MINDY2: variants seen among roughly 807,000 people sequenced by gnomAD.
The protein encoded by MINDY2 is MINDY lysine 48 deubiquitinase 2.
MINDY2 carries 52 observed loss-of-function variants against 68.2 expected under a neutral mutation model. That is an observed-to-expected ratio of 0.76 (90% CI 0.61 to 0.96). The LOEUF is 0.96. MINDY2 is among the 40% of genes least tolerant of loss of function. The probability of loss-of-function intolerance (pLI) is 0.00; values close to 1 mark genes in which losing one functional copy is unlikely to be tolerated. For missense variants in MINDY2, 881 were observed against 773.4 expected, an observed-to-expected ratio of 1.14 and a Z score of -1.65; for synonymous variants, 372 against 303.0, an observed-to-expected ratio of 1.23 and a Z score of -2.36.
intron 6 of MINDY2, among the ~76,000 whole-genome samples, chr15:58,836,554 A>G (rs2032002840): frequency 6.6e-6 from 1 of 152,024 alleles, no homozygotes; most frequent in Admixed American, 6.6e-5. Flanking sequence ...CAGCTTTCCA[A>G]TCCTGAGTCT....
chr15:58,815,494 T>C (rs2030621110), intron 4 of MINDY2: 1 of 151,938 alleles, frequency 6.6e-6, no homozygotes, highest in African/African-American at 2.4e-5. Flanking sequence ...GGACTACAGG[T>C]GCACACCAGC....
chr15:58,780,134 G>C (rs1032601037), intron 1 of MINDY2, among the ~76,000 whole-genome samples: 3 of 152,082 alleles, frequency 2.0e-5, no homozygotes, highest in South Asian at 2.1e-4. Context: ...GCCAGGTGTG[G>C]TTGGCTCACA....
chr15:58,851,408 T>C (rs1409645382), intron 7 of MINDY2, among the ~76,000 whole-genome samples: 1 of 152,132 alleles, frequency 6.6e-6, no homozygotes, highest in Non-Finnish European at 1.5e-5. Context: ...TATTTTGTTA[T>C]TTTATATTGT....
intron 6 of MINDY2, among the ~76,000 whole-genome samples, chr15:58,843,858 C>T (rs941516047): frequency 2.0e-4 from 27 of 134,824 alleles, no homozygotes; most frequent in African/African-American, 6.3e-4. Flanking sequence ...AAAAAAAATC[C>T]TGACAATATC....
intron 6 of MINDY2, among the ~76,000 whole-genome samples, chr15:58,833,840 C>T (rs1478884810): frequency 6.6e-6 from 1 of 151,936 alleles, no homozygotes; most frequent in Non-Finnish European, 1.5e-5. Flanking sequence ...AAGAGGCGTT[C>T]CTTCCTCTTT....
intron 5 of MINDY2, 140 bp downstream of exon 5, chr15:58,821,959 C>T: frequency 1.8e-6 from 1 of 565,318 alleles, no homozygotes; most frequent in African/African-American, 2.0e-5. Flanking sequence ...TAAGAAGTAA[C>T]CATCCATAGG....
intron 3 of MINDY2, among the ~76,000 whole-genome samples, chr15:58,808,911 C>T (rs927477065): frequency 1.3e-5 from 2 of 152,162 alleles, no homozygotes; most frequent in Non-Finnish European, 2.9e-5. Context: ...GCCACTTTTT[C>T]ATCTTTAAAA....
chr15:58,801,167 T>C (rs893117402), intron 2 of MINDY2, among the ~76,000 whole-genome samples: 4 of 151,852 alleles, frequency 2.6e-5, no homozygotes, highest in African/African-American at 9.7e-5. Flanking sequence ...AGAAACAGGA[T>C]TTCACCATGT....
intron 6 of MINDY2, among the ~76,000 whole-genome samples, chr15:58,845,665 C>A (rs1349773068): frequency 7.2e-5 from 11 of 152,244 alleles, no homozygotes; most frequent in African/African-American, 2.6e-4. Context: ...AAAAGTAGAG[C>A]TGTTATACAA....
At chr15:58,775,859 AT>A (rs544164455) in intron 1 of MINDY2, among the ~76,000 whole-genome samples, 2,850 of 139,540 alleles carry the variant, frequency 0.02, 36 homozygotes, top group African/African-American at 0.032. Context: ...AAGAGGCTAA[AT>A]TTTTTTTTTT....
intron 3 of MINDY2, among the ~76,000 whole-genome samples, chr15:58,803,467 A>AT (rs1323523899): frequency 1.4e-5 from 2 of 145,736 alleles, no homozygotes; most frequent in Non-Finnish European, 1.5e-5. Context: ...ACTCTGTCTC[A>AT]TAAAAAAAAA....
intron 5 of MINDY2, among the ~76,000 whole-genome samples, chr15:58,825,874 G>T (rs1437889542): frequency 3.3e-5 from 5 of 152,090 alleles, no homozygotes; most frequent in Non-Finnish European, 7.3e-5. Context: ...CCAAAGTGCT[G>T]GGATTACAGG....
chr15:58,816,972 T>A (rs1243081609), intron 4 of MINDY2, among the ~76,000 whole-genome samples: 2 of 151,056 alleles, frequency 1.3e-5, no homozygotes, highest in African/African-American at 4.9e-5. Context: ...TCTACAAACA[T>A]GGAGGGGGAA....
chr15:58,817,328 T>C (rs1423483005), intron 4 of MINDY2, among the ~76,000 whole-genome samples: 2 of 152,068 alleles, frequency 1.3e-5, no homozygotes, highest in Non-Finnish European at 2.9e-5. Flanking sequence ...AAAACAGATA[T>C]CCAAATGGCC....
intron 5 of MINDY2, among the ~76,000 whole-genome samples, chr15:58,827,624 C>T (rs945049137): frequency 5.9e-5 from 9 of 152,098 alleles, no homozygotes; most frequent in East Asian, 5.8e-4. Context: ...CCACCACGGC[C>T]GGCTAATTTT....
At chr15:58,817,015 A>G (rs1180515289) in intron 4 of MINDY2, among the ~76,000 whole-genome samples, 5 of 152,172 alleles carry the variant, frequency 3.3e-5, no homozygotes, top group African/African-American at 7.2e-5. Flanking sequence ...TAAAACTACA[A>G]AAGTTTGAAA....
chr15:58,773,775 G>T (rs1900592771), intron 1 of MINDY2, among the ~76,000 whole-genome samples: 1 of 151,942 alleles, frequency 6.6e-6, no homozygotes, highest in Non-Finnish European at 1.5e-5. Flanking sequence ...AGAATAACAG[G>T]GAAATGGAAT....
At chr15:58,798,134 C>T (rs1044788546) in intron 2 of MINDY2, among the ~76,000 whole-genome samples, 2 of 151,818 alleles carry the variant, frequency 1.3e-5, no homozygotes, top group East Asian at 3.9e-4. Flanking sequence ...TTTTTCTTCC[C>T]GAGATGGAGT....
rs1017760749 is a variant in MINDY2, at chr15:58,833,242, C to T, written c.1368+1326C>T. ...AAAAATACAAGATATGTTCTATTTG[C>T]CAACACTTTACTTCAGCCAAAATGG... On this transcript the variant is annotated intron_variant, in intron 6 of 8. Transcript: ENST00000559228. Among the ~76,000 whole-genome samples the T allele has an allele frequency of 3.3e-5, 5 of 152,212 alleles. No individual in the cohort carries two copies. In the East Asian group the frequency reaches 7.7e-4, roughly 23 times the overall value.
Sources: allele counts gnomAD v4.1 joint callset (sites outside exome capture counted in the v4.1 genomes callset), GRCh38; gene constraint gnomAD v4.1.1; transcripts MANE v1.5; gene names NCBI Gene and HGNC (gene_info 2026-07-23, HGNC 2026-07-21).